Variants in ABLIM1 observed in about 807,000 individuals in gnomAD.
The protein encoded by ABLIM1 is actin-binding LIM protein 1.
Under a neutral mutation model 107.0 loss-of-function variants are expected in ABLIM1, and 40 were observed. The ratio of observed to expected loss-of-function variants is 0.37; its 90% CI spans 0.29 to 0.49. ABLIM1 has a LOEUF of 0.49. ABLIM1 is among the 20% of genes least tolerant of loss of function. The pLI is 0.97. For synonymous variants in ABLIM1, 357 were observed against 357.3 expected, an observed-to-expected ratio of 1.00 and a Z score of 0.01; for missense variants, 857 against 1,008.5, an observed-to-expected ratio of 0.85 and a Z score of 2.04.
intron 7 of ABLIM1, among the ~76,000 whole-genome samples, chr10:114,489,705 G>A (rs939112267): frequency 3.9e-5 from 6 of 152,268 alleles, no homozygotes; most frequent in African/African-American, 1.2e-4. Flanking sequence ...CCAGGACACC[G>A]GGTCTGCGCA....
At chr10:114,702,713 G>C (rs1319347803) in intron 1 of ABLIM1, among the ~76,000 whole-genome samples, 1 of 151,810 alleles carries the variant, frequency 6.6e-6, no homozygotes, top group Non-Finnish European at 1.5e-5. Flanking sequence ...TTTTAGTAGA[G>C]ACGGGGTTTC....
intron 1 of ABLIM1, among the ~76,000 whole-genome samples, chr10:114,631,739 G>A (rs1052522033): frequency 1.3e-5 from 2 of 151,840 alleles, no homozygotes; most frequent in African/African-American, 4.8e-5. Context: ...GATTCTGAAC[G>A]AAGTCTGGGT....
At chr10:114,786,741 C>T in the ABLIM1 span, among the ~76,000 whole-genome samples, 1 of 152,214 alleles carries the variant, frequency 6.6e-6, no homozygotes, top group Non-Finnish European at 1.5e-5. Context: ...GAGTGATCCG[C>T]CAGCCTCCGC....
At chr10:114,517,411 G>T (rs1240279972) in intron 6 of ABLIM1, among the ~76,000 whole-genome samples, 1 of 152,096 alleles carries the variant, frequency 6.6e-6, no homozygotes, top group Admixed American at 6.5e-5. Context: ...GAAGCCAGGG[G>T]ACAGGATGAA....
chr10:114,559,668 A>G (rs944071268), intron 4 of ABLIM1, among the ~76,000 whole-genome samples: 1 of 152,110 alleles, frequency 6.6e-6, no homozygotes, highest in Non-Finnish European at 1.5e-5. Context: ...ACAAAATATA[A>G]TCCAGACATG....
At chr10:114,494,228 A>C (rs1213011800) in intron 6 of ABLIM1, among the ~76,000 whole-genome samples, 1 of 152,224 alleles carries the variant, frequency 6.6e-6, no homozygotes, top group Non-Finnish European at 1.5e-5. Flanking sequence ...CCTAAGTCAC[A>C]ACCTATACAA....
intron 1 of ABLIM1, among the ~76,000 whole-genome samples, chr10:114,695,897 A>G (rs2081184818): frequency 6.6e-6 from 1 of 152,036 alleles, no homozygotes; most frequent in Non-Finnish European, 1.5e-5. Context: ...GAGTTTCCAG[A>G]CTCTTATTGC....
intron 1 of ABLIM1, among the ~76,000 whole-genome samples, chr10:114,657,710 T>C (rs1049604312): frequency 1.3e-5 from 2 of 152,290 alleles, no homozygotes; most frequent in Admixed American, 6.5e-5. Context: ...TCATACCAAG[T>C]TTGGAAAGAG....
chr10:114,666,757 G>C (rs992662974), intron 1 of ABLIM1, among the ~76,000 whole-genome samples: 8 of 152,168 alleles, frequency 5.3e-5, no homozygotes, highest in Admixed American at 3.9e-4. Context: ...TTAATCCAGA[G>C]GTTGCAAATT....
At chr10:114,671,702 G>T (rs1031700546) in intron 1 of ABLIM1, among the ~76,000 whole-genome samples, 1 of 152,150 alleles carries the variant, frequency 6.6e-6, no homozygotes, top group African/African-American at 2.4e-5. Context: ...TATTGAAATG[G>T]TGTCTCATTG....
intron 2 of ABLIM1, chr10:114,601,570 T>C: frequency 1.8e-6 from 1 of 551,980 alleles, no homozygotes; most frequent in Non-Finnish European, 3.3e-6. Context: ...TTACTGCTCG[T>C]TCTCAGTGTT....
In ABLIM1 at chr10:114,432,930, G is replaced by A. The variant is rs1413833085; in HGVS notation, c.*3330C>T. The A allele has an allele frequency of 2.6e-5, 4 of 152,196 alleles. No individual in the cohort carries two copies. The highest frequency in any genetic ancestry group is 9.7e-5 in the African/African-American group (4 of 41,438). 9.4% of individuals were successfully genotyped at this position (152,196 alleles called of 1,614,324 possible). ...AAACCAAAATGTAGATGCATAGCTA[G>A]CTGTGCAAGTTTCCCAATGCTCTTC... On this transcript the variant is annotated 3_prime_UTR_variant, in exon 23 of 23. Transcript: ENST00000533213.
intron 1 of ABLIM1, among the ~76,000 whole-genome samples, chr10:114,650,046 G>A (rs550386194): frequency 4.6e-5 from 7 of 152,086 alleles, no homozygotes; most frequent in East Asian, 1.9e-4. Flanking sequence ...TAGTAGAGAC[G>A]GGGTTTCACT....
At chr10:114,500,250 T>G (rs2060212362) in intron 6 of ABLIM1, among the ~76,000 whole-genome samples, 1 of 152,022 alleles carries the variant, frequency 6.6e-6, no homozygotes, top group Admixed American at 6.6e-5. Flanking sequence ...ATAAACTAGT[T>G]TAGGGAGAAA....
Position 114,638,616 on chromosome 10 carries a change from C to T in ABLIM1, c.244+19341G>A, listed in dbSNP as rs527528503. ...TGTTAAAGAGCCTCTCGTCCCATGC[C>T]CTGCCTACACACACACACACACACA... On this transcript the variant is annotated intron_variant, in intron 1 of 22. Transcript: ENST00000533213. Among the ~76,000 whole-genome samples the T allele has an allele frequency of 2.1e-3, 312 of 147,200 alleles. 1 individual carries two copies. The highest frequency in any genetic ancestry group is 7.2e-3 in the African/African-American group (285 of 39,802).
intron 2 of ABLIM1, among the ~76,000 whole-genome samples, chr10:114,581,395 C>A (rs1044015428): frequency 2.0e-5 from 3 of 152,190 alleles, no homozygotes; most frequent in African/African-American, 4.8e-5. Context: ...AACACTCCAT[C>A]TGCCTGTTCA....
At chr10:114,704,302 C>A (rs77472974) in intron 1 of ABLIM1, among the ~76,000 whole-genome samples, 1,028 of 42,930 alleles carry the variant, frequency 0.024, 14 homozygotes, top group South Asian at 0.052. Context: ...CTCTCTCTCT[C>A]TATATATATA....
intron 10 of ABLIM1, among the ~76,000 whole-genome samples, chr10:114,468,925 G>A (rs975986509): frequency 7.9e-5 from 12 of 151,930 alleles, no homozygotes; most frequent in Middle Eastern, 3.4e-3. Flanking sequence ...GGTGGCGGGC[G>A]CCTGTAGTCC....
At chr10:114,512,225 T>C (rs1032486347) in intron 6 of ABLIM1, among the ~76,000 whole-genome samples, 2 of 152,174 alleles carry the variant, frequency 1.3e-5, no homozygotes, top group African/African-American at 2.4e-5. Context: ...AGGGCTGAAA[T>C]TAGCGAACTG....
Sources: allele counts gnomAD v4.1 joint callset (sites outside exome capture counted in the v4.1 genomes callset), GRCh38; gene constraint gnomAD v4.1.1; transcripts MANE v1.5; gene names NCBI Gene and HGNC (gene_info 2026-07-23, HGNC 2026-07-21).